The following RSRC1 variants were observed in gnomAD, a reference collection of about 807,000 sequenced individuals.
RSRC1 encodes the protein arginine and serine rich coiled-coil 1, also known as serine/Arginine-related protein 53.
RSRC1 carries 39 observed loss-of-function variants against 49.1 expected under a neutral mutation model. The observed-to-expected ratio is 0.79, with a 90% CI of 0.61 to 1.04. RSRC1 has a LOEUF of 1.04. RSRC1 is among the 50% of genes least tolerant of loss of function. The pLI is 0.00. For synonymous variants in RSRC1, 143 were observed against 130.8 expected, an observed-to-expected ratio of 1.09 and a Z score of -0.63; for missense variants, 388 against 402.4, an observed-to-expected ratio of 0.96 and a Z score of 0.31.
chr3:158,432,995 A>G (rs1285626229), intron 6 of RSRC1, among the ~76,000 whole-genome samples: 6 of 151,976 alleles, frequency 3.9e-5, no homozygotes, highest in Admixed American at 3.3e-4. Context: ...AGTTAATTTA[A>G]TAACACTTGA....
At chr3:158,401,697 G>A (rs188129161) in intron 6 of RSRC1, among the ~76,000 whole-genome samples, 9 of 152,010 alleles carry the variant, frequency 5.9e-5, no homozygotes, top group South Asian at 2.1e-4. Context: ...TAAAGAAACC[G>A]TGATATGTAA....
chr3:158,302,635 G>T, intron 5 of RSRC1: 1 of 139,594 alleles, frequency 7.2e-6, no homozygotes, highest in African/African-American at 2.7e-5. Context: ...CTATCAAAGG[G>T]TGCTGACTCC....
chr3:158,449,956 G>A (rs964392288), intron 6 of RSRC1, among the ~76,000 whole-genome samples: 3 of 151,856 alleles, frequency 2.0e-5, no homozygotes, highest in Non-Finnish European at 2.9e-5. Flanking sequence ...TATAATTGAC[G>A]TGTCCTCCTG....
chr3:158,239,442 A>G (rs1723438391), intron 4 of RSRC1, among the ~76,000 whole-genome samples: 1 of 152,182 alleles, frequency 6.6e-6, no homozygotes, highest in African/African-American at 2.4e-5. Flanking sequence ...AATAGCAAAG[A>G]CTTGGAACCA....
At chr3:158,417,604 T>A (rs988448672) in intron 6 of RSRC1, among the ~76,000 whole-genome samples, 13 of 152,052 alleles carry the variant, frequency 8.5e-5, no homozygotes, top group Admixed American at 3.3e-4. Flanking sequence ...TCTGAATGAT[T>A]GGGTAGAGGA....
chr3:158,458,438 CA>C (rs1170959896), intron 6 of RSRC1, among the ~76,000 whole-genome samples: 4 of 151,962 alleles, frequency 2.6e-5, no homozygotes, highest in Non-Finnish European at 4.4e-5. Context: ...GCAAAAACCG[CA>C]ATTACTTTTG....
chr3:158,217,525 A>G (rs1021883521), intron 4 of RSRC1, among the ~76,000 whole-genome samples: 1 of 151,584 alleles, frequency 6.6e-6, no homozygotes, highest in South Asian at 2.1e-4. Flanking sequence ...CTAAATTATG[A>G]TGTTAGGTTC....
chr3:158,379,785 C>T (rs895530319), intron 6 of RSRC1, among the ~76,000 whole-genome samples: 1 of 151,042 alleles, frequency 6.6e-6, no homozygotes, highest in African/African-American at 2.4e-5. Context: ...GCACCTCCCC[C>T]CTACACATAC....
chr3:158,252,461 G>A (rs540530974), intron 4 of RSRC1, among the ~76,000 whole-genome samples: 12 of 152,104 alleles, frequency 7.9e-5, no homozygotes, highest in Non-Finnish European at 1.3e-4. Context: ...CACCACGCCC[G>A]GCCGATGAAT....
intron 6 of RSRC1, among the ~76,000 whole-genome samples, chr3:158,390,963 T>C (rs1170144064): frequency 6.6e-6 from 1 of 152,168 alleles, no homozygotes; most frequent in African/African-American, 2.4e-5. Context: ...AATTACTTAT[T>C]ATTTTTTCTG....
chr3:158,516,957 G>T (rs888346081), intron 7 of RSRC1, among the ~76,000 whole-genome samples: 22 of 152,132 alleles, frequency 1.4e-4, no homozygotes, highest in Non-Finnish European at 2.1e-4. Flanking sequence ...GCTTTGGCTC[G>T]TGCACGGTGC....
intron 7 of RSRC1, among the ~76,000 whole-genome samples, chr3:158,494,258 A>G (rs1429532292): frequency 6.6e-6 from 1 of 152,222 alleles, no homozygotes; most frequent in Non-Finnish European, 1.5e-5. Flanking sequence ...CTCTGTAGGC[A>G]TTCATAATGC....
At chr3:158,253,412 A>T (rs970833068) in intron 4 of RSRC1, among the ~76,000 whole-genome samples, 2 of 151,968 alleles carry the variant, frequency 1.3e-5, no homozygotes, top group African/African-American at 4.8e-5. Context: ...TTTTAATTTT[A>T]TTCCACTGTA....
At chr3:158,139,948 T>G (rs1488711665) in intron 3 of RSRC1, among the ~76,000 whole-genome samples, 1 of 152,204 alleles carries the variant, frequency 6.6e-6, no homozygotes, top group East Asian at 1.9e-4. Flanking sequence ...ATCCAATTAG[T>G]ATTTTTTTTC....
At chr3:158,361,522 C>A (rs1731472976) in intron 6 of RSRC1, among the ~76,000 whole-genome samples, 1 of 152,194 alleles carries the variant, frequency 6.6e-6, no homozygotes, top group African/African-American at 2.4e-5. Flanking sequence ...TCTGCCACCA[C>A]CACCCATGCC....
At chr3:158,132,079 A>T (rs1373266575) in intron 3 of RSRC1, 4 of 436,022 alleles carry the variant, frequency 9.2e-6, no homozygotes, top group Non-Finnish European at 1.9e-5. Flanking sequence ...TACCTCCTTC[A>T]CTCAAGGTAT....
chr3:158,373,837 A>G (rs530387496), intron 6 of RSRC1, among the ~76,000 whole-genome samples: 3 of 152,152 alleles, frequency 2.0e-5, no homozygotes, highest in African/African-American at 7.2e-5. Flanking sequence ...TAGACTATGT[A>G]AATGTGTATT....
chr3:158,348,273 G>A (rs1382967927), intron 5 of RSRC1, among the ~76,000 whole-genome samples: 1 of 152,202 alleles, frequency 6.6e-6, no homozygotes, highest in African/African-American at 2.4e-5. Context: ...ATGAATGGAA[G>A]TGAGAAAGGT....
chr3:158,304,469 A>T (rs1261392650), intron 5 of RSRC1, among the ~76,000 whole-genome samples: 2 of 151,994 alleles, frequency 1.3e-5, no homozygotes, highest in Admixed American at 6.6e-5. Flanking sequence ...TAGATTGTAA[A>T]CTCTAAACTT....
Sources: allele counts gnomAD v4.1 joint callset (sites outside exome capture counted in the v4.1 genomes callset), GRCh38; gene constraint gnomAD v4.1.1; transcripts MANE v1.5; gene names NCBI Gene and HGNC (gene_info 2026-07-23, HGNC 2026-07-21).